Variants in EIF4ENIF1 observed in about 807,000 individuals in gnomAD.
The protein encoded by EIF4ENIF1 is eukaryotic translation initiation factor 4E transporter.
EIF4ENIF1 carries 23 observed loss-of-function variants against 110.5 expected under a neutral mutation model. The observed-to-expected ratio is 0.21, with a 90% CI of 0.15 to 0.29. The LOEUF (loss-of-function observed/expected upper bound fraction) is 0.29, where lower values mean the gene tolerates loss of function less well. Ranked by LOEUF, EIF4ENIF1 falls within the 10% of genes least tolerant of loss-of-function variation. The pLI is 1.00. For synonymous variants in EIF4ENIF1, 440 were observed against 437.0 expected, an observed-to-expected ratio of 1.01 and a Z score of -0.09; for missense variants, 1,031 against 1,221.1, an observed-to-expected ratio of 0.84 and a Z score of 2.32.
At chr22:31,478,804 T>A (rs1218587208) in intron 2 of EIF4ENIF1, among the ~76,000 whole-genome samples, 1 of 151,654 alleles carries the variant, frequency 6.6e-6, no homozygotes, top group East Asian at 2.0e-4. Context: ...ACAAAAAAAT[T>A]AGCCGGGCGT....
chr22:31,491,015 C>A (rs1424161900), upstream of EIF4ENIF1, among the ~76,000 whole-genome samples: 1 of 152,212 alleles, frequency 6.6e-6, no homozygotes, highest in Non-Finnish European at 1.5e-5. Context: ...AAGTGTGTTT[C>A]TTACAAACTG....
intron 15 of EIF4ENIF1, 57 bp downstream of exon 15, chr22:31,444,548 TG>T (rs2050401687): frequency 6.5e-7 from 1 of 1,536,918 alleles, no homozygotes; most frequent in African/African-American, 1.4e-5. Flanking sequence ...GTACAATCCA[TG>T]CACAACCAAA....
intron 4 of EIF4ENIF1, among the ~76,000 whole-genome samples, chr22:31,467,395 G>A (rs2051226087): frequency 6.6e-6 from 1 of 152,012 alleles, no homozygotes; most frequent in Admixed American, 6.6e-5. Flanking sequence ...TATATTACCT[G>A]GTCTCCATTT....
chr22:31,456,298 A>C (rs1349563823), intron 7 of EIF4ENIF1, among the ~76,000 whole-genome samples: 3 of 144,874 alleles, frequency 2.1e-5, no homozygotes, highest in East Asian at 4.0e-4. Flanking sequence ...ATCTCGGCTC[A>C]CTGCAAGCTC....
At chr22:31,442,156 C>T (rs775682142) in intron 16 of EIF4ENIF1, 38 bp from the exon 17 acceptor site, 2 of 1,487,242 alleles carry the variant, frequency 1.3e-6, no homozygotes, top group African/African-American at 2.8e-5. Context: ...TGGCAAACCT[C>T]TCCCAAACAC....
intron 8 of EIF4ENIF1, among the ~76,000 whole-genome samples, 153 bp from the exon 9 acceptor site, chr22:31,455,468 G>A (rs578128699): frequency 2.7e-5 from 4 of 149,244 alleles, no homozygotes; most frequent in South Asian, 4.2e-4. Flanking sequence ...GCGCAATCTC[G>A]GCTCACTGCA....
intron 6 of EIF4ENIF1, 29 bp downstream of exon 6, chr22:31,462,903 C>T (rs113744701): frequency 6.8e-6 from 11 of 1,608,304 alleles, no homozygotes; most frequent in African/African-American, 2.7e-5. Flanking sequence ...TTTAAAACAG[C>T]GAACTTCCCT....
chr22:31,470,878 AGT>A (rs1459447493), intron 3 of EIF4ENIF1, among the ~76,000 whole-genome samples: 2 of 151,314 alleles, frequency 1.3e-5, no homozygotes, highest in Non-Finnish European at 3.0e-5. Context: ...TGTGCGTGGT[AGT>A]GGGTGCCTGT....
At chr22:31,490,549 G>T (rs1198482711), upstream of EIF4ENIF1, among the ~76,000 whole-genome samples, 1 of 152,186 alleles carries the variant, frequency 6.6e-6, no homozygotes, top group African/African-American at 2.4e-5. Flanking sequence ...CAAATTCATT[G>T]AAATGTTGTT....
intron 7 of EIF4ENIF1, among the ~76,000 whole-genome samples, chr22:31,457,090 A>C (rs1447541038): frequency 6.6e-6 from 1 of 152,254 alleles, no homozygotes; most frequent in Non-Finnish European, 1.5e-5. Flanking sequence ...AGGCTAAAAA[A>C]GCAGAGCTCA....
intron 2 of EIF4ENIF1, among the ~76,000 whole-genome samples, chr22:31,484,218 C>G (rs2051933013): frequency 6.6e-6 from 1 of 152,086 alleles, no homozygotes; most frequent in Non-Finnish European, 1.5e-5. Flanking sequence ...ATTCCTTTCC[C>G]AAGGCCTAAA....
chr22:31,445,274 G>A (rs1306210532), intron 14 of EIF4ENIF1, among the ~76,000 whole-genome samples: 2 of 150,734 alleles, frequency 1.3e-5, no homozygotes, highest in Non-Finnish European at 3.0e-5. Context: ...CTGATGCTGT[G>A]TGTGACACTC....
chr22:31,480,611 C>T lies in EIF4ENIF1; in HGVS notation c.96+8012G>A, dbSNP rs566747415. Among the ~76,000 whole-genome samples the T allele has an allele frequency of 7.2e-5, 11 of 152,028 alleles. No homozygotes were observed. The East Asian group carries it at 1.2e-3, about 16-fold the overall frequency. ...TATACTAAAAATACAAAAAATTAGCCGGGCATGGTGGCGTGCGCCTGTAGT... is the reference window on the plus strand; with the variant it reads ...TATACTAAAAATACAAAAAATTAGCTGGGCATGGTGGCGTGCGCCTGTAGT... On this transcript the variant is annotated intron_variant, in intron 2 of 18. Coordinates refer to ENST00000330125, the MANE Select transcript of EIF4ENIF1 (RefSeq NM_019843.4).
In EIF4ENIF1 at chr22:31,472,564, G is replaced by A. The variant is rs370920267; in HGVS notation, c.97-647C>T. 4.3e-3 allele frequency among the ~76,000 whole-genome samples: 651 copies of A among 152,026 alleles called. 9 individuals carry two copies. The highest frequency in any genetic ancestry group is 0.015 in the African/African-American group (617 of 41,504). On this transcript the variant is annotated intron_variant, in intron 2 of 18. Coordinates refer to ENST00000330125, the MANE Select transcript of EIF4ENIF1 (RefSeq NM_019843.4). ...GATTACAGGTGTGAGCAACCGGGCCGGGGGGCGATAGTTTTTTTTAAATGT... is the reference window on the plus strand; with the variant it reads ...GATTACAGGTGTGAGCAACCGGGCCAGGGGGCGATAGTTTTTTTTAAATGT...
upstream of EIF4ENIF1, among the ~76,000 whole-genome samples, chr22:31,491,023 CTG>C (rs536083079): frequency 9.4e-4 from 143 of 152,318 alleles, no homozygotes; most frequent in Admixed American, 3.9e-3. Flanking sequence ...TTCTTACAAA[CTG>C]TTTTTTTACA....
At chr22:31,487,669 G>A (rs2052092738) in intron 2 of EIF4ENIF1, among the ~76,000 whole-genome samples, 1 of 151,860 alleles carries the variant, frequency 6.6e-6, no homozygotes, top group Non-Finnish European at 1.5e-5. Flanking sequence ...GCACGCCTGT[G>A]GTCCCAGCTA....
intron 6 of EIF4ENIF1, 57 bp downstream of exon 6, chr22:31,462,875 G>A (rs1175959702): frequency 1.2e-5 from 19 of 1,569,892 alleles, no homozygotes; most frequent in African/African-American, 4.0e-5. Context: ...GAGCCACCAC[G>A]CCCAGCCTAC....
chr22:31,456,503 A>C (rs11089506), intron 7 of EIF4ENIF1, among the ~76,000 whole-genome samples: 1 of 151,326 alleles, frequency 6.6e-6, no homozygotes, highest in African/African-American at 2.4e-5. Flanking sequence ...GATTACAAGC[A>C]TGAGCCACCA....
intron 6 of EIF4ENIF1, among the ~76,000 whole-genome samples, chr22:31,460,979 G>C (rs1217937661): frequency 6.6e-6 from 1 of 152,154 alleles, no homozygotes; most frequent in Non-Finnish European, 1.5e-5. Flanking sequence ...AAAAAAAAAG[G>C]CTTTCCCCTT....
Sources: allele counts gnomAD v4.1 joint callset (sites outside exome capture counted in the v4.1 genomes callset), GRCh38; gene constraint gnomAD v4.1.1; transcripts MANE v1.5; gene names NCBI Gene and HGNC (gene_info 2026-07-23, HGNC 2026-07-21).